TMCC1: variants seen among roughly 807,000 people sequenced by gnomAD.
The protein encoded by TMCC1 is transmembrane and coiled-coil domain family 1.
Under a neutral mutation model 52.4 loss-of-function variants are expected in TMCC1, and 15 were observed. The observed-to-expected ratio is 0.29, with a 90% CI of 0.19 to 0.44. TMCC1 has a LOEUF of 0.44. Ranked by LOEUF, TMCC1 falls within the 20% of genes least tolerant of loss-of-function variation. TMCC1 has a pLI of 1.00. For missense variants in TMCC1, 503 were observed against 806.0 expected (o/e 0.62, Z 4.55); for synonymous variants, 279 against 301.9 (o/e 0.92, Z 0.79).
rs568034198 is a variant in TMCC1, at chr3:129,763,152, C to T, written c.576+64651G>A. On this transcript the variant is annotated intron_variant, in intron 4 of 6. Transcript: ENST00000393238. Reference sequence around the variant, plus strand: ...GGCGGAGCTTGCAGTGAGCCGAGATCGCGCCACTGCACTCCAGCCTGGGTG... The same window carrying T: ...GGCGGAGCTTGCAGTGAGCCGAGATTGCGCCACTGCACTCCAGCCTGGGTG... Among the ~76,000 whole-genome samples the T allele has an allele frequency of 1.0e-3, 152 of 149,440 alleles. 2 individuals are homozygous for T. In the South Asian group the frequency reaches 0.017, roughly 17 times the overall value.
intron 2 of TMCC1, among the ~76,000 whole-genome samples, chr3:129,864,336 C>T (rs1298367435): frequency 6.6e-6 from 1 of 152,178 alleles, no homozygotes; most frequent in Non-Finnish European, 1.5e-5. Context: ...TTGAATCTAG[C>T]CTTCTATTCA....
intron 6 of TMCC1, among the ~76,000 whole-genome samples, chr3:129,654,328 T>TAA (rs1192943846): frequency 6.6e-6 from 1 of 152,198 alleles, no homozygotes; most frequent in Non-Finnish European, 1.5e-5. Flanking sequence ...GGCATCTGGG[T>TAA]AAATGATCTA....
intron 4 of TMCC1, among the ~76,000 whole-genome samples, chr3:129,745,537 C>T (rs1393042904): frequency 6.6e-6 from 1 of 152,200 alleles, no homozygotes; most frequent in Non-Finnish European, 1.5e-5. Flanking sequence ...GGGCTTGTTG[C>T]CAGACATTCT....
chr3:129,692,116 T>C (rs535813615), intron 4 of TMCC1, among the ~76,000 whole-genome samples: 69 of 152,342 alleles, frequency 4.5e-4, no homozygotes, highest in African/African-American at 1.6e-3. Flanking sequence ...TAATACTATA[T>C]ACAGTTTATT....
intron 5 of TMCC1, among the ~76,000 whole-genome samples, chr3:129,667,220 TAAAAAA>T (rs1202933776): frequency 4.7e-5 from 4 of 85,828 alleles, no homozygotes; most frequent in Admixed American, 1.3e-4. Flanking sequence ...CCCTGACTCT[TAAAAAA>T]AAAAAAAAAA....
intron 4 of TMCC1, among the ~76,000 whole-genome samples, chr3:129,709,497 A>AAAAAAGAGAG (rs554837910): frequency 1.6e-5 from 1 of 64,074 alleles, no homozygotes; most frequent in African/African-American, 6.7e-5. Flanking sequence ...AAAAAAAAAA[A>AAAAAAGAGAG]AGAGAGAGAG....
intron 3 of TMCC1, among the ~76,000 whole-genome samples, chr3:129,831,011 TGCA>T (rs2058882678): frequency 6.6e-6 from 1 of 152,220 alleles, no homozygotes; most frequent in Non-Finnish European, 1.5e-5. Flanking sequence ...CTCAGCTCAC[TGCA>T]GCCTCTGCCT....
intron 4 of TMCC1, among the ~76,000 whole-genome samples, chr3:129,675,494 CTGAG>C (rs2088339357): frequency 6.6e-6 from 1 of 152,174 alleles, no homozygotes; most frequent in Non-Finnish European, 1.5e-5. Flanking sequence ...ATACCTGGCA[CTGAG>C]TAAGTTGTTA....
chr3:129,737,587 C>G (rs1243263986), intron 4 of TMCC1, among the ~76,000 whole-genome samples: 1 of 152,126 alleles, frequency 6.6e-6, no homozygotes, highest in Non-Finnish European at 1.5e-5. Flanking sequence ...TCACCAGACA[C>G]CAAATCTGCT....
chr3:129,814,662 TCTC>T (rs1432141342), intron 4 of TMCC1, among the ~76,000 whole-genome samples: 12 of 151,828 alleles, frequency 7.9e-5, no homozygotes, highest in Non-Finnish European at 1.8e-4. Flanking sequence ...GGAACCCACT[TCTC>T]CTACAAAGAT....
intron 4 of TMCC1, among the ~76,000 whole-genome samples, chr3:129,793,344 C>G (rs1417405480): frequency 3.9e-5 from 6 of 152,192 alleles, no homozygotes; most frequent in African/African-American, 1.4e-4. Context: ...ACACTCTACA[C>G]TGGGGTCACC....
intron 2 of TMCC1, among the ~76,000 whole-genome samples, chr3:129,858,304 GA>G (rs1226333843): frequency 2.0e-4 from 31 of 152,124 alleles, no homozygotes; most frequent in African/African-American, 7.0e-4. Flanking sequence ...CAAGACACAC[GA>G]AAAAATTAGA....
chr3:129,712,606 C>T (rs2048783667), intron 4 of TMCC1, among the ~76,000 whole-genome samples: 1 of 151,980 alleles, frequency 6.6e-6, no homozygotes, highest in Non-Finnish European at 1.5e-5. Flanking sequence ...TACTACCATG[C>T]CCAGCTAATT....
At chr3:129,721,744 C>A (rs2049614899) in intron 4 of TMCC1, among the ~76,000 whole-genome samples, 2 of 149,548 alleles carry the variant, frequency 1.3e-5, no homozygotes, top group African/African-American at 4.9e-5. Flanking sequence ...GGCGTGGTGG[C>A]AGGCACCTGT....
chr3:129,807,421 T>C (rs2057529277), intron 4 of TMCC1, among the ~76,000 whole-genome samples: 1 of 152,206 alleles, frequency 6.6e-6, no homozygotes, highest in African/African-American at 2.4e-5. Flanking sequence ...GATCCAGTCT[T>C]TGAGTTTTCC....
chr3:129,845,684 C>T (rs2059631883), intron 2 of TMCC1, among the ~76,000 whole-genome samples: 1 of 152,060 alleles, frequency 6.6e-6, no homozygotes, highest in East Asian at 1.9e-4. Flanking sequence ...GTAGAAGTAC[C>T]TGAGAAAAGG....
At chr3:129,663,286 A>G (rs1188520309) in intron 5 of TMCC1, among the ~76,000 whole-genome samples, 1 of 152,200 alleles carries the variant, frequency 6.6e-6, no homozygotes, top group African/African-American at 2.4e-5. Context: ...TCACTAGCAC[A>G]GGATAGCTGA....
intron 4 of TMCC1, among the ~76,000 whole-genome samples, chr3:129,778,444 C>A (rs2055221228): frequency 6.6e-6 from 1 of 152,182 alleles, no homozygotes; most frequent in African/African-American, 2.4e-5. Flanking sequence ...GGTAATGATA[C>A]TTTTCCCTTT....
chr3:129,693,449 A>AG, intron 4 of TMCC1, among the ~76,000 whole-genome samples: 1 of 151,580 alleles, frequency 6.6e-6, no homozygotes, highest in South Asian at 2.1e-4. Context: ...TATCTTAATC[A>AG]GGGGCCCAAA....
Sources: gnomAD v4.1 joint callset for allele counts (sites outside exome capture counted in the v4.1 genomes callset) on GRCh38, gnomAD v4.1.1 for gene constraint, MANE v1.5 for transcripts, NCBI Gene and HGNC (gene_info 2026-07-23, HGNC 2026-07-21) for gene names.